Variants in DMD observed in about 807,000 individuals in gnomAD.
DMD encodes dystrophin.
DMD carries 63 observed loss-of-function variants against 330.1 expected under a neutral mutation model. The observed-to-expected ratio is 0.19, with a 90% CI of 0.16 to 0.24. DMD has a LOEUF of 0.24. Ranked by LOEUF, DMD falls within the 10% of genes least tolerant of loss-of-function variation. The probability of loss-of-function intolerance (pLI) is 1.00; values close to 1 mark genes in which losing one functional copy is unlikely to be tolerated. For missense variants in DMD, 3,344 were observed against 2,684.1 expected (o/e 1.25, Z -5.43); for synonymous variants, 1,223 against 959.8 (o/e 1.27, Z -5.07).
intron 53 of DMD, among the ~76,000 whole-genome samples, chrX:31,667,510 G>A (rs1331090663): frequency 8.2e-5 from 9 of 110,242 alleles, no homozygotes; most frequent in African/African-American, 3.0e-4. Flanking sequence ...ACTGGGAAGG[G>A]TAGTGGTAGG....
chrX:31,553,606 T>C (rs2074624138), intron 55 of DMD, among the ~76,000 whole-genome samples: 4 of 112,396 alleles, frequency 3.6e-5, no homozygotes, highest in Admixed American at 1.9e-4. Flanking sequence ...TAAAAATCAG[T>C]ATCTATGTCT....
chrX:32,589,244 T>C (rs984671591), intron 13 of DMD, among the ~76,000 whole-genome samples: 34 of 111,610 alleles, frequency 3.0e-4, no homozygotes, highest in African/African-American at 1.1e-3. Context: ...CCTGCTAAGA[T>C]AGAGTACCAA....
chrX:31,733,776 C>T (rs2086674507), intron 51 of DMD, among the ~76,000 whole-genome samples: 1 of 111,534 alleles, frequency 9.0e-6, no homozygotes, highest in Non-Finnish European at 1.9e-5. Context: ...TTCTTGCATT[C>T]GGCTGCCTCT....
chrX:33,294,399 G>C (rs1408902835), intron 1 of DMD, among the ~76,000 whole-genome samples: 1 of 111,119 alleles, frequency 9.0e-6, no homozygotes, highest in Non-Finnish European at 1.9e-5. Context: ...TAGTTTTTTA[G>C]TTAATATTTC....
chrX:31,774,010 C>A lies in DMD; in HGVS notation c.7492G>T (p.Val2498Leu). The A allele has an allele frequency of 3.3e-6, 4 of 1,210,299 alleles. No individual in the cohort carries two copies. The highest frequency in any genetic ancestry group is 1.7e-5 in the African/African-American group (1 of 57,335). ...ATATCCTCAAGGTCACCCACCATCA[C>A]CCTCTGTGATTTTATAACTTGATCA... ...LLDQVIKSQR[V>L]MVGDLEDINE... The change falls in exon 51 of 79, where the codon GTG (valine) becomes TTG (leucine). Residue 2498 changes from valine to leucine, a missense_variant. Transcript: ENST00000357033.
intron 13 of DMD, among the ~76,000 whole-genome samples, chrX:32,582,875 T>G (rs1486428351): frequency 9.0e-6 from 1 of 111,440 alleles, no homozygotes; most frequent in Admixed American, 9.6e-5. Context: ...CGGGAATATC[T>G]TTCTCAAGGA....
At chrX:32,759,081 T>C (rs1403415829) in intron 7 of DMD, among the ~76,000 whole-genome samples, 1 of 112,176 alleles carries the variant, frequency 8.9e-6, no homozygotes, top group African/African-American at 3.2e-5. Context: ...CTTCTGGATG[T>C]TTCCTATTTT....
chrX:31,155,794 A>G (rs1443398318), intron 74 of DMD, among the ~76,000 whole-genome samples: 2 of 110,767 alleles, frequency 1.8e-5, no homozygotes, highest in Non-Finnish European at 3.8e-5. Context: ...AGCCTGGGCA[A>G]CATAGGGAGA....
chrX:33,260,646 A>T (rs1262444765), intron 1 of DMD, among the ~76,000 whole-genome samples: 3 of 112,018 alleles, frequency 2.7e-5, no homozygotes, highest in Non-Finnish European at 5.7e-5. Context: ...CTGAGAATTT[A>T]AAAAGTATTT....
chrX:31,640,744 CTCCTA>C (rs2079689921), intron 54 of DMD, among the ~76,000 whole-genome samples: 1 of 112,206 alleles, frequency 8.9e-6, no homozygotes, highest in African/African-American at 3.2e-5. Flanking sequence ...AATTACTTCT[CTCCTA>C]TATTTCTGAG....
At chrX:31,318,754 C>T (rs898298764) in intron 62 of DMD, among the ~76,000 whole-genome samples, 2 of 112,238 alleles carry the variant, frequency 1.8e-5, no homozygotes, top group African/African-American at 6.5e-5. Flanking sequence ...CCCCATCTTT[C>T]ACTCTTCTGT....
chrX:31,944,433 T>C (rs899138374), intron 45 of DMD, among the ~76,000 whole-genome samples: 5 of 111,321 alleles, frequency 4.5e-5, no homozygotes, highest in Non-Finnish European at 9.4e-5. Context: ...TATTTCAACA[T>C]GCAATTTTAA....
chrX:32,819,404 C>CT, intron 5 of DMD, among the ~76,000 whole-genome samples: 1 of 110,733 alleles, frequency 9.0e-6, no homozygotes, highest in East Asian at 2.8e-4. Context: ...CCACTGTTAG[C>CT]AAGATTTGTT....
rs1170784861 is a variant in DMD at position 32,364,591 on chromosome X, G to A, written c.5145C>T (p.Asp1715=). ...ATATTTTATTTGCTACCTTAAGCAC[G>A]TCTTCTTTTTGCTGGGGTTTCTTTT... ...SEKKKPQQKE[D]VLKRLKAELN... is the part of the protein sequence containing the mutation. The change falls in exon 36 of 79, where the codon GAC becomes GAT. Residue 1715 remains aspartate (D), a synonymous_variant. Transcript: ENST00000357033. 3 of 1,210,626 alleles carry A rather than the reference G, an allele frequency of 2.5e-6. No homozygotes were observed. The highest frequency in any genetic ancestry group is 3.4e-6 in the Non-Finnish European group (3 of 894,795).
intron 60 of DMD, among the ~76,000 whole-genome samples, chrX:31,379,244 G>A (rs1011699901): frequency 9.1e-6 from 1 of 110,265 alleles, no homozygotes; most frequent in African/African-American, 3.3e-5. Context: ...TATCACCTCC[G>A]CTCCTCACAC....
At chrX:32,516,132 C>T (rs775314607) in intron 18 of DMD, among the ~76,000 whole-genome samples, 2 of 111,005 alleles carry the variant, frequency 1.8e-5, no homozygotes, top group South Asian at 3.8e-4. Context: ...AAGTTCATGA[C>T]ACGAGCCTGC....
chrX:31,830,793 A>T (rs1012120626), intron 49 of DMD, among the ~76,000 whole-genome samples: 3 of 111,627 alleles, frequency 2.7e-5, no homozygotes, highest in Non-Finnish European at 5.6e-5. Context: ...AAAAACACTC[A>T]TAGAAATAAA....
chrX:32,585,618 T>C (rs1483991888), intron 13 of DMD, among the ~76,000 whole-genome samples: 3 of 91,768 alleles, frequency 3.3e-5, no homozygotes, highest in Non-Finnish European at 6.1e-5. Context: ...GAGAATGGCA[T>C]GAACCCGGGA....
chrX:32,447,526 T>G (rs1310907467), intron 27 of DMD, among the ~76,000 whole-genome samples: 1 of 111,727 alleles, frequency 9.0e-6, no homozygotes, highest in Non-Finnish European at 1.9e-5. Flanking sequence ...CATTTTAAAA[T>G]ATTTTTAAAG....
Sources: gnomAD v4.1 joint callset for allele counts (sites outside exome capture counted in the v4.1 genomes callset) on GRCh38, gnomAD v4.1.1 for gene constraint, MANE v1.5 for transcripts, NCBI Gene and HGNC (gene_info 2026-07-23, HGNC 2026-07-21) for gene names.